TPGS2: variants seen among roughly 807,000 people sequenced by gnomAD.
TPGS2 encodes polyglutamylase subunit 2.
In TPGS2, 26 loss-of-function variants were observed where a neutral mutation model predicts 31.1. That is an observed-to-expected ratio of 0.84 (90% confidence interval 0.61 to 1.16). The LOEUF (loss-of-function observed/expected upper bound fraction) is 1.16, where lower values mean the gene tolerates loss of function less well. Among genes scored for constraint, TPGS2 ranks in the 50% most tolerant of loss-of-function variants. The pLI is 0.00. For synonymous variants in TPGS2, 130 were observed against 136.6 expected, an observed-to-expected ratio of 0.95 and a Z score of 0.34; for missense variants, 351 against 363.8, an observed-to-expected ratio of 0.96 and a Z score of 0.29.
At chr18:36,800,364 T>C (rs1342645052) in intron 4 of TPGS2, 53 bp from the exon 5 acceptor site, 2 of 1,482,372 alleles carry the variant, frequency 1.3e-6, no homozygotes, top group Non-Finnish European at 9.4e-7. Flanking sequence ...CTCAAACACA[T>C]ACCTATATAT....
chr18:36,827,694 C>G (rs1226707988), intron 1 of TPGS2, among the ~76,000 whole-genome samples: 1 of 152,196 alleles, frequency 6.6e-6, no homozygotes, highest in East Asian at 1.9e-4. Flanking sequence ...AGTTTTCTGG[C>G]TAACTCCTAT....
intron 6 of TPGS2, among the ~76,000 whole-genome samples, chr18:36,786,221 T>C (rs138163458): frequency 0.014 from 2,188 of 152,178 alleles, 36 homozygotes; most frequent in Non-Finnish European, 0.019. Context: ...TTATGGCTGA[T>C]AGAATAAGGG....
chr18:36,786,778 G>A, intron 6 of TPGS2: 2 of 1,229,448 alleles, frequency 1.6e-6, no homozygotes, highest in Non-Finnish European at 2.0e-6. Flanking sequence ...CCCTTGGCCA[G>A]CAGAGAGTCT....
chr18:36,804,926 G>GA (rs780763226), intron 4 of TPGS2, among the ~76,000 whole-genome samples: 8 of 152,164 alleles, frequency 5.3e-5, no homozygotes, highest in Non-Finnish European at 1.2e-4. Flanking sequence ...CCATAAGGAT[G>GA]AAAACCATAT....
chr18:36,811,680 A>G (rs1012136452), intron 2 of TPGS2, among the ~76,000 whole-genome samples: 19 of 152,220 alleles, frequency 1.2e-4, no homozygotes, highest in Non-Finnish European at 1.8e-4. Context: ...GAATGCAATT[A>G]AGGATTGCTT....
chr18:36,793,126 G>A (rs2044372511), downstream of TPGS2, among the ~76,000 whole-genome samples: 1 of 152,128 alleles, frequency 6.6e-6, no homozygotes, highest in Non-Finnish European at 1.5e-5. Context: ...TACTCAGAAG[G>A]GCCTCACACT....
Position 36,816,898 on chromosome 18 carries a change from C to T in TPGS2, c.165+1996G>A, listed in dbSNP as rs1356920064. ...CTGGGATTACAGGCATGAGCCACCA[C>T]GCCAGCCTGGCAGTTCTACTAATAC... On this transcript the variant is annotated intron_variant, in intron 2 of 6. Coordinates refer to ENST00000334295, the MANE Select transcript of TPGS2 (RefSeq NM_015476.4). Among the ~76,000 whole-genome samples the T allele has an allele frequency of 3.9e-5, 6 of 152,204 alleles. No homozygotes were observed. In the East Asian group the frequency reaches 5.8e-4, roughly 15 times the overall value.
intron 4 of TPGS2, 133 bp from the exon 5 acceptor site, chr18:36,800,444 C>T: frequency 1.4e-6 from 1 of 730,528 alleles, no homozygotes; most frequent in Non-Finnish European, 2.4e-6. Flanking sequence ...GTAGTATTTA[C>T]AAATAAATTC....
chr18:36,785,860 T>C (rs2044114199), intron 6 of TPGS2, among the ~76,000 whole-genome samples: 1 of 151,954 alleles, frequency 6.6e-6, no homozygotes, highest in Non-Finnish European at 1.5e-5. Context: ...TTATAAAGGG[T>C]CAACCAAAAG....
chr18:36,783,379 G>GCC (rs970856713), intron 6 of TPGS2, among the ~76,000 whole-genome samples: 2 of 152,128 alleles, frequency 1.3e-5, no homozygotes, highest in Admixed American at 6.5e-5. Flanking sequence ...AGGTGTTCTT[G>GCC]CCCCTGTGTC....
downstream of TPGS2, chr18:36,782,911 C>CT (rs1413806400): frequency 7.6e-6 from 3 of 392,572 alleles, no homozygotes; most frequent in East Asian, 1.1e-4. Context: ...CCACTTCTCT[C>CT]TTTTTTCTTC....
At chr18:36,820,683 A>G (rs1480373683) in intron 1 of TPGS2, among the ~76,000 whole-genome samples, 1 of 152,254 alleles carries the variant, frequency 6.6e-6, no homozygotes, top group Non-Finnish European at 1.5e-5. Context: ...AATTCATAAA[A>G]TGAAATCTCT....
chr18:36,781,301 A>T (rs1027970657), downstream of TPGS2, among the ~76,000 whole-genome samples: 1 of 152,186 alleles, frequency 6.6e-6, no homozygotes, highest in East Asian at 1.9e-4. Context: ...CCATTGCAGC[A>T]GGTATTTCGA....
intron 6 of TPGS2, among the ~76,000 whole-genome samples, chr18:36,783,583 C>G (rs1034211169): frequency 2.0e-5 from 3 of 152,176 alleles, no homozygotes; most frequent in African/African-American, 7.2e-5. Flanking sequence ...GACCCAGATT[C>G]GTTTTCTTCC....
intron 4 of TPGS2, among the ~76,000 whole-genome samples, chr18:36,802,249 C>T (rs1446300332): frequency 6.6e-6 from 1 of 152,194 alleles, no homozygotes; most frequent in Non-Finnish European, 1.5e-5. Context: ...GTTTTGGCAG[C>T]CCTGCCTGGT....
At chr18:36,786,567 C>T (rs564821446) in intron 6 of TPGS2, 6 of 269,816 alleles carry the variant, frequency 2.2e-5, no homozygotes, top group Middle Eastern at 1.0e-3. Context: ...TAACCCTTGG[C>T]TGACATGGCT....
downstream of TPGS2, among the ~76,000 whole-genome samples, chr18:36,791,903 G>A (rs1173261090): frequency 6.6e-6 from 1 of 151,830 alleles, no homozygotes; most frequent in Non-Finnish European, 1.5e-5. Context: ...GGTGGCGTGT[G>A]CCTCTGGTCC....
At chr18:36,821,269 C>T (rs2045883721) in intron 1 of TPGS2, 1 of 152,126 alleles carries the variant, frequency 6.6e-6, no homozygotes, top group Non-Finnish European at 1.5e-5. Flanking sequence ...AGAGGGCATA[C>T]TGAGAAGTAC....
At chr18:36,814,118 G>A (rs772660516) in intron 2 of TPGS2, among the ~76,000 whole-genome samples, 3 of 152,236 alleles carry the variant, frequency 2.0e-5, no homozygotes, top group Non-Finnish European at 4.4e-5. Context: ...GGGGATTGGA[G>A]GGTGTAACCA....
Sources: gnomAD v4.1 joint callset for allele counts (sites outside exome capture counted in the v4.1 genomes callset) on GRCh38, gnomAD v4.1.1 for gene constraint, MANE v1.5 for transcripts, NCBI Gene and HGNC (gene_info 2026-07-23, HGNC 2026-07-21) for gene names.